The following CDH8 variants were observed in gnomAD, a reference collection of about 807,000 sequenced individuals.
CDH8 encodes the protein cadherin 8.
In CDH8, 17 loss-of-function variants were observed where a neutral mutation model predicts 68.1. That is an observed-to-expected ratio of 0.25 (90% CI 0.17 to 0.37). CDH8 has a LOEUF of 0.37. CDH8 is among the 10% of genes least tolerant of loss of function. CDH8 has a pLI of 1.00. For missense variants in CDH8, 763 were observed against 999.3 expected (o/e 0.76, Z 3.19); for synonymous variants, 372 against 365.1 (o/e 1.02, Z -0.21).
chr16:61,965,270 T>C (rs1382364919), intron 2 of CDH8, among the ~76,000 whole-genome samples: 6 of 152,208 alleles, frequency 3.9e-5, no homozygotes. Context: ...GTTTGTTTTA[T>C]TCGCAGCCAA....
chr16:62,029,622 A>G (rs2150621054), intron 1 of CDH8, among the ~76,000 whole-genome samples: 1 of 152,324 alleles, frequency 6.6e-6, no homozygotes, highest in Non-Finnish European at 1.5e-5. Context: ...CTACCTGTTC[A>G]TGAGTGAGCT....
intron 7 of CDH8, among the ~76,000 whole-genome samples, chr16:61,793,012 C>T (rs1724546983): frequency 6.6e-6 from 1 of 151,830 alleles, no homozygotes; most frequent in Non-Finnish European, 1.5e-5. Flanking sequence ...CCAAGGTGAT[C>T]GTATTAGAAG....
At chr16:61,797,207 C>T (rs191846323) in intron 7 of CDH8, among the ~76,000 whole-genome samples, 2 of 152,166 alleles carry the variant, frequency 1.3e-5, no homozygotes, top group African/African-American at 2.4e-5. Context: ...ACAAAGCCTC[C>T]ATCTCCTACT....
At chr16:61,839,469 T>A (rs1962639480) in intron 4 of CDH8, among the ~76,000 whole-genome samples, 1 of 152,186 alleles carries the variant, frequency 6.6e-6, no homozygotes, top group Non-Finnish European at 1.5e-5. Flanking sequence ...AAATTCTAGG[T>A]TTCCATTTCA....
At chr16:62,029,851 AC>A (rs1417371143) in intron 1 of CDH8, among the ~76,000 whole-genome samples, 2 of 152,200 alleles carry the variant, frequency 1.3e-5, no homozygotes, top group Non-Finnish European at 2.9e-5. Flanking sequence ...ATTGCAACTA[AC>A]TTTTTCTATT....
At chr16:61,953,631 G>T in intron 2 of CDH8, among the ~76,000 whole-genome samples, 1 of 151,054 alleles carries the variant, frequency 6.6e-6, no homozygotes, top group Non-Finnish European at 1.5e-5. Flanking sequence ...ACTTTGGAAG[G>T]CAGAGGTGGG....
chr16:61,790,731 T>G (rs2142994548), intron 7 of CDH8, among the ~76,000 whole-genome samples: 1 of 152,126 alleles, frequency 6.6e-6, no homozygotes, highest in Non-Finnish European at 1.5e-5. Flanking sequence ...TTTGCACTGT[T>G]AATATTTTAG....
intron 8 of CDH8, among the ~76,000 whole-genome samples, chr16:61,733,688 G>A (rs1295967121): frequency 4.0e-5 from 6 of 151,628 alleles, no homozygotes; most frequent in Non-Finnish European, 7.4e-5. Flanking sequence ...CACCCTTCCT[G>A]TCACTTTCAG....
chr16:61,803,996 C>T (rs1052763060), intron 7 of CDH8, among the ~76,000 whole-genome samples: 1 of 130,626 alleles, frequency 7.7e-6, no homozygotes, highest in Non-Finnish European at 1.6e-5. Context: ...ACTCTCCACC[C>T]CAAATCAACA....
At chr16:61,821,920 T>G (rs562247742) in intron 5 of CDH8, among the ~76,000 whole-genome samples, 3 of 152,020 alleles carry the variant, frequency 2.0e-5, no homozygotes, top group African/African-American at 7.2e-5. Flanking sequence ...CTGTCTTACA[T>G]CTAACTGCCA....
intron 2 of CDH8, among the ~76,000 whole-genome samples, chr16:61,994,667 G>A (rs1236915736): frequency 6.6e-6 from 1 of 152,142 alleles, no homozygotes; most frequent in African/African-American, 2.4e-5. Context: ...AGCATTGCGT[G>A]GGGACCTGTC....
At chr16:61,768,367 T>G (rs867957919) in intron 8 of CDH8, among the ~76,000 whole-genome samples, 1 of 80,620 alleles carries the variant, frequency 1.2e-5, no homozygotes, top group African/African-American at 5.4e-5. Context: ...TCTCTCTCTC[T>G]CCCTTTCTCT....
At chr16:61,873,824 G>A (rs919637598) in intron 3 of CDH8, among the ~76,000 whole-genome samples, 11 of 152,172 alleles carry the variant, frequency 7.2e-5, no homozygotes, top group Admixed American at 4.6e-4. Context: ...GCGAAGCCAA[G>A]GCAGGTGGAT....
intron 9 of CDH8, among the ~76,000 whole-genome samples, chr16:61,720,576 C>A (rs1959209474): frequency 6.6e-6 from 1 of 150,888 alleles, no homozygotes. Context: ...CCAGTCAATA[C>A]ATACAGAACT....
intron 3 of CDH8, among the ~76,000 whole-genome samples, chr16:61,884,654 G>A (rs185087053): frequency 3.9e-5 from 6 of 152,226 alleles, no homozygotes; most frequent in East Asian, 1.9e-4. Flanking sequence ...GATTACAGGC[G>A]TGAGCCACTG....
intron 4 of CDH8, among the ~76,000 whole-genome samples, chr16:61,845,644 C>T (rs1260228451): frequency 6.6e-6 from 1 of 152,006 alleles, no homozygotes; most frequent in African/African-American, 2.4e-5. Context: ...ATAAAACTGC[C>T]TAGCTCATAA....
At chr16:62,032,126 T>A (rs1263526826) in intron 1 of CDH8, 1 of 152,226 alleles carries the variant, frequency 6.6e-6, no homozygotes, top group Non-Finnish European at 1.5e-5. Flanking sequence ...AACATACGTG[T>A]ATTAGATACT....
chr16:61,914,592 T>C (rs1964208980), intron 2 of CDH8, among the ~76,000 whole-genome samples: 1 of 152,132 alleles, frequency 6.6e-6, no homozygotes, highest in Non-Finnish European at 1.5e-5. Context: ...AAGATCTGAC[T>C]GCACAATAGT....
rs1180460078 is a variant in CDH8, at chr16:61,919,335, G to C, written c.253-17862C>G. On this transcript the variant is annotated intron_variant, in intron 2 of 11. Coordinates refer to ENST00000577390, the MANE Select transcript of CDH8 (RefSeq NM_001796.5). ...ACGGAGAATGACTTTGACAAGCTGA[G>C]AGAAGAAGGCTTCAGACGATCAAAT... Among the ~76,000 whole-genome samples, 2 of 148,316 alleles carry C rather than the reference G, an allele frequency of 1.3e-5. 1 individual carries two copies. Among genetic ancestry groups the C allele is most frequent in the East Asian group, 4.4e-4 (2 of 4,594 alleles).
Sources: gnomAD v4.1 joint callset for allele counts (sites outside exome capture counted in the v4.1 genomes callset) on GRCh38, gnomAD v4.1.1 for gene constraint, MANE v1.5 for transcripts, NCBI Gene and HGNC (gene_info 2026-07-23, HGNC 2026-07-21) for gene names.